SPIN1: variants seen among roughly 807,000 people sequenced by gnomAD.
SPIN1 encodes the protein spindlin 1.
SPIN1 carries 3 observed loss-of-function variants against 26.0 expected under a neutral mutation model. The ratio of observed to expected loss-of-function variants is 0.12; its 90% CI spans 0.05 to 0.30. SPIN1 has a LOEUF of 0.30. Among genes scored for constraint, SPIN1 ranks in the 10% least tolerant of loss-of-function variants. The pLI, the probability that SPIN1 is intolerant of heterozygous loss-of-function variation, is 1.00. For missense variants in SPIN1, 126 were observed against 333.4 expected (o/e 0.38, Z 4.84); for synonymous variants, 101 against 116.5 (o/e 0.87, Z 0.86).
intron 3 of SPIN1, among the ~76,000 whole-genome samples, chr9:88,451,480 G>A (rs1033159810): frequency 6.6e-6 from 1 of 152,208 alleles, no homozygotes; most frequent in Non-Finnish European, 1.5e-5. Context: ...GGTGTTTTGG[G>A]TGAAACTGGT....
At chr9:88,452,210 C>G (rs1193327096) in intron 3 of SPIN1, among the ~76,000 whole-genome samples, 2 of 152,146 alleles carry the variant, frequency 1.3e-5, no homozygotes, top group Non-Finnish European at 2.9e-5. Flanking sequence ...ATAGCCCTGT[C>G]AAGTAGGAAC....
intron 1 of SPIN1, among the ~76,000 whole-genome samples, chr9:88,395,354 C>G (rs927227770): frequency 1.9e-5 from 2 of 102,852 alleles, no homozygotes; most frequent in Middle Eastern, 4.9e-3. Context: ...ACTGCTCTGC[C>G]GTTCTATGCA....
At chr9:88,464,961 A>G (rs775145585) in intron 4 of SPIN1, among the ~76,000 whole-genome samples, 1 of 152,194 alleles carries the variant, frequency 6.6e-6, no homozygotes, top group Non-Finnish European at 1.5e-5. Flanking sequence ...CTCTGTCTCT[A>G]TGAATTTGAC....
chr9:88,436,548 A>T (rs1027082259), intron 2 of SPIN1, among the ~76,000 whole-genome samples: 1 of 152,046 alleles, frequency 6.6e-6, no homozygotes, highest in Non-Finnish European at 1.5e-5. Flanking sequence ...TTCATTCTTG[A>T]TGTTTCACTA....
chr9:88,447,469 G>T (rs1239324018), intron 2 of SPIN1, among the ~76,000 whole-genome samples: 1 of 152,126 alleles, frequency 6.6e-6, no homozygotes, highest in Non-Finnish European at 1.5e-5. Context: ...TTTCGAGACT[G>T]TTGGAGTCTA....
intron 3 of SPIN1, 130 bp from the exon 4 acceptor site, chr9:88,462,366 T>G: frequency 3.1e-6 from 4 of 1,282,528 alleles, no homozygotes; most frequent in Non-Finnish European, 4.3e-6. Flanking sequence ...GAAGCAGGAA[T>G]GTGGCAAACA....
intron 1 of SPIN1, among the ~76,000 whole-genome samples, chr9:88,425,156 TG>T (rs1827740369): frequency 6.6e-6 from 1 of 151,908 alleles, no homozygotes; most frequent in African/African-American, 2.4e-5. Flanking sequence ...TTGGGCAGGC[TG>T]GGGGAAGAGA....
chr9:88,435,868 A>T (rs542985468), intron 2 of SPIN1, among the ~76,000 whole-genome samples: 1 of 152,210 alleles, frequency 6.6e-6, no homozygotes, highest in South Asian at 2.1e-4. Context: ...CTTCTAGGTT[A>T]TATCTATGGT....
intron 2 of SPIN1, among the ~76,000 whole-genome samples, chr9:88,436,597 C>T (rs893527394): frequency 6.6e-6 from 1 of 152,118 alleles, no homozygotes. Context: ...TCTTCTCTCT[C>T]TCACCCTTAA....
chr9:88,396,129 A>G (rs1753793122), intron 1 of SPIN1, among the ~76,000 whole-genome samples: 1 of 150,888 alleles, frequency 6.6e-6, no homozygotes, highest in Admixed American at 6.6e-5. Flanking sequence ...TGCGCCTGTA[A>G]TCCCAGCTAC....
At chr9:88,396,457 C>G (rs1335682866) in intron 1 of SPIN1, among the ~76,000 whole-genome samples, 9 of 151,710 alleles carry the variant, frequency 5.9e-5, no homozygotes, top group African/African-American at 1.5e-4. Context: ...CAAAAATTAG[C>G]CAGGTGTGGT....
intron 3 of SPIN1, among the ~76,000 whole-genome samples, chr9:88,451,181 C>G (rs776452310): frequency 9.2e-5 from 14 of 152,106 alleles, no homozygotes; most frequent in Non-Finnish European, 1.5e-4. Context: ...ACGGGAGTTG[C>G]AAGGAATAAG....
rs2117994890 is a variant in SPIN1 at position 88,419,330 on chromosome 9, C to T, written c.-158-7052C>T. On this transcript the variant is annotated intron_variant, in intron 1 of 5. Coordinates refer to ENST00000375859, the MANE Select transcript of SPIN1 (RefSeq NM_006717.3). ...ACCCCGTCACTCTCTTTAAATTAGC[C>T]AATTGGAAATAGTTTAGCCTGTGCG... Among the ~76,000 whole-genome samples, 2 of 152,174 alleles carry T rather than the reference C, an allele frequency of 1.3e-5. 1 individual carries two copies. The highest frequency in any genetic ancestry group is 4.1e-4 in the South Asian group (2 of 4,822).
chr9:88,389,271 C>G (rs189949794), intron 1 of SPIN1: 37 of 152,326 alleles, frequency 2.4e-4, no homozygotes, highest in African/African-American at 8.7e-4. Flanking sequence ...CACTTTTCCT[C>G]TCCATCGTGA....
At chr9:88,420,587 T>G (rs1827650072) in intron 1 of SPIN1, among the ~76,000 whole-genome samples, 1 of 152,236 alleles carries the variant, frequency 6.6e-6, no homozygotes, top group Non-Finnish European at 1.5e-5. Context: ...GCAATTTGAT[T>G]AGTTACAGTT....
At chr9:88,398,555 A>G (rs1212760149) in intron 1 of SPIN1, among the ~76,000 whole-genome samples, 2 of 152,036 alleles carry the variant, frequency 1.3e-5, no homozygotes, top group African/African-American at 4.8e-5. Context: ...TACAGTGATT[A>G]TTAAGTAACA....
chr9:88,475,434 T>G lies in SPIN1; in HGVS notation c.*157T>G, dbSNP rs769128030. 1 of 625,036 alleles carries G rather than the reference T, an allele frequency of 1.6e-6. No homozygotes were observed. Among genetic ancestry groups the G allele is most frequent in the Non-Finnish European group, 2.6e-6 (1 of 384,622 alleles). 38.7% of individuals were successfully genotyped at this position (625,036 alleles called of 1,614,324 possible). On this transcript the variant is annotated 3_prime_UTR_variant, in exon 6 of 6. Transcript: ENST00000375859. ...TGGTTTTGTTCTGAATAGTACAGAT[T>G]GATGTGAACACAAAGCATTTTGTGT...
intron 2 of SPIN1, among the ~76,000 whole-genome samples, chr9:88,433,555 C>T (rs1308521226): frequency 2.0e-5 from 3 of 152,172 alleles, no homozygotes. Context: ...GAGGAAATGG[C>T]TCTTGTTGCC....
intron 2 of SPIN1, among the ~76,000 whole-genome samples, chr9:88,435,228 T>C (rs558454845): frequency 1.2e-4 from 19 of 152,048 alleles, no homozygotes; most frequent in Non-Finnish European, 2.2e-4. Context: ...TCTTTTTTCT[T>C]TTTTGGAGAT....
Sources: gnomAD v4.1 joint callset for allele counts (sites outside exome capture counted in the v4.1 genomes callset) on GRCh38, gnomAD v4.1.1 for gene constraint, MANE v1.5 for transcripts, NCBI Gene and HGNC (gene_info 2026-07-23, HGNC 2026-07-21) for gene names.